The following MCTP1 variants were observed in gnomAD, a reference collection of about 807,000 sequenced individuals.
MCTP1 encodes the protein multiple C2 and transmembrane domain containing 1.
Under a neutral mutation model 120.6 loss-of-function variants are expected in MCTP1, and 69 were observed. The observed-to-expected ratio is 0.57, with a 90% CI of 0.47 to 0.70. MCTP1 has a LOEUF of 0.70. Ranked by LOEUF, MCTP1 falls within the 30% of genes least tolerant of loss-of-function variation. The pLI is 0.00. For synonymous variants in MCTP1, 529 were observed against 493.1 expected (o/e 1.07, Z -0.96); for missense variants, 1,203 against 1,248.8 (o/e 0.96, Z 0.55).
At chr5:95,260,256 T>A (rs937778361) in intron 1 of MCTP1, among the ~76,000 whole-genome samples, 1 of 152,152 alleles carries the variant, frequency 6.6e-6, no homozygotes, top group Admixed American at 6.6e-5. Context: ...CCAGAACAGG[T>A]TGTGTGAGCC....
intron 1 of MCTP1, among the ~76,000 whole-genome samples, chr5:95,053,095 C>A (rs1228637086): frequency 6.6e-6 from 1 of 152,146 alleles, no homozygotes; most frequent in Non-Finnish European, 1.5e-5. Context: ...AAATGATACA[C>A]TGGTAAATGT....
intron 2 of MCTP1, among the ~76,000 whole-genome samples, chr5:94,975,686 C>T (rs1268405937): frequency 6.6e-6 from 1 of 151,768 alleles, no homozygotes. Flanking sequence ...ATATTTGCAC[C>T]ATCTCAAAGT....
At position 95,053,256 on chromosome 5, in the gene MCTP1, C is replaced by T. The variant is rs540230602; in HGVS notation, c.721-35772G>A. On this transcript the variant is annotated intron_variant, in intron 1 of 22. Coordinates refer to ENST00000515393, the MANE Select transcript of MCTP1 (RefSeq NM_024717.7). ...TTTTAAATAAGCATATCTCCACCCC[C>T]ACTTAAATCAGAATGACAAGCTGCT... Among the ~76,000 whole-genome samples the T allele has an allele frequency of 4.6e-5, 7 of 152,272 alleles. No homozygotes were observed. The South Asian group carries it at 1.2e-3, about 27-fold the overall frequency.
At chr5:95,138,586 G>T (rs1446121830) in intron 1 of MCTP1, among the ~76,000 whole-genome samples, 1 of 152,090 alleles carries the variant, frequency 6.6e-6, no homozygotes, top group African/African-American at 2.4e-5. Context: ...TACTGGTCTG[G>T]AAGGGCCTCT....
intron 1 of MCTP1, among the ~76,000 whole-genome samples, chr5:95,079,288 T>C (rs968922294): frequency 6.6e-6 from 1 of 152,100 alleles, no homozygotes; most frequent in African/African-American, 2.4e-5. Context: ...ATGGGAAGTA[T>C]GGGACTGTCA....
chr5:94,843,377 A>G (rs920707413), intron 17 of MCTP1, among the ~76,000 whole-genome samples: 3 of 152,176 alleles, frequency 2.0e-5, no homozygotes, highest in Admixed American at 6.6e-5. Context: ...GTATAAACAC[A>G]TATGTTGTGA....
intron 1 of MCTP1, among the ~76,000 whole-genome samples, chr5:95,151,682 C>T (rs185195140): frequency 6.6e-6 from 1 of 152,310 alleles, no homozygotes; most frequent in East Asian, 1.9e-4. Context: ...AATTTTTCCA[C>T]TTATCTGATT....
At chr5:95,258,105 GCA>G (rs1380928721) in intron 1 of MCTP1, among the ~76,000 whole-genome samples, 3 of 152,146 alleles carry the variant, frequency 2.0e-5, no homozygotes, top group Non-Finnish European at 2.9e-5. Context: ...GATAAGCTGT[GCA>G]CAGTGACTTC....
chr5:94,748,043 T>C (rs1561566741), intron 19 of MCTP1, among the ~76,000 whole-genome samples: 1 of 152,190 alleles, frequency 6.6e-6, no homozygotes, highest in Non-Finnish European at 1.5e-5. Context: ...CGAGCTGAGA[T>C]TGTGCCATTG....
At chr5:94,853,739 A>T (rs962542919) in intron 17 of MCTP1, among the ~76,000 whole-genome samples, 1 of 151,918 alleles carries the variant, frequency 6.6e-6, no homozygotes, top group African/African-American at 2.4e-5. Flanking sequence ...CTGATATCTC[A>T]ATTAAAACCT....
chr5:94,842,068 G>A (rs1011601931), intron 17 of MCTP1, among the ~76,000 whole-genome samples: 4 of 152,180 alleles, frequency 2.6e-5, no homozygotes, highest in African/African-American at 4.8e-5. Context: ...ATAATCTACT[G>A]GAGCTAATTA....
chr5:95,233,590 A>G (rs974977681), intron 1 of MCTP1, among the ~76,000 whole-genome samples: 3 of 152,164 alleles, frequency 2.0e-5, no homozygotes, highest in Admixed American at 1.3e-4. Flanking sequence ...CGGCCTCCCA[A>G]AGTGCTGGGA....
intron 1 of MCTP1, among the ~76,000 whole-genome samples, chr5:95,034,810 C>A (rs2151810827): frequency 6.6e-6 from 1 of 152,058 alleles, no homozygotes; most frequent in East Asian, 1.9e-4. Context: ...AAAATATTTG[C>A]AATTTATGCA....
chr5:94,804,576 C>G (rs1205297646), intron 17 of MCTP1, among the ~76,000 whole-genome samples: 1 of 151,890 alleles, frequency 6.6e-6, no homozygotes, highest in African/African-American at 2.4e-5. Flanking sequence ...GTAGCTGGGA[C>G]TACAGGCGCC....
chr5:95,199,299 TA>T (rs1229686594), intron 1 of MCTP1, among the ~76,000 whole-genome samples: 1 of 152,132 alleles, frequency 6.6e-6, no homozygotes, highest in African/African-American at 2.4e-5. Context: ...AAAAGTTAAT[TA>T]ACAGGGGAGT....
At chr5:95,146,219 T>A (rs551619950) in intron 1 of MCTP1, among the ~76,000 whole-genome samples, 19 of 152,302 alleles carry the variant, frequency 1.2e-4, no homozygotes, top group Admixed American at 1.0e-3. Flanking sequence ...TGTATTTCTG[T>A]AGGATCAGTT....
At chr5:94,813,866 AAAG>A (rs1783941284) in intron 17 of MCTP1, among the ~76,000 whole-genome samples, 1 of 152,210 alleles carries the variant, frequency 6.6e-6, no homozygotes, top group Non-Finnish European at 1.5e-5. Flanking sequence ...AATTAAAATA[AAAG>A]AAGACACTAC....
chr5:94,822,131 T>C (rs981392252), intron 17 of MCTP1, among the ~76,000 whole-genome samples: 4 of 152,190 alleles, frequency 2.6e-5, no homozygotes. Flanking sequence ...TACATAGGTA[T>C]ACATGTTCCA....
At chr5:94,926,571 A>G (rs1813182208) in intron 6 of MCTP1, among the ~76,000 whole-genome samples, 1 of 152,180 alleles carries the variant, frequency 6.6e-6, no homozygotes. Context: ...CAAAATTATA[A>G]ATCGTTTCAC....
Sources: gnomAD v4.1 joint callset for allele counts (sites outside exome capture counted in the v4.1 genomes callset) on GRCh38, gnomAD v4.1.1 for gene constraint, MANE v1.5 for transcripts, NCBI Gene and HGNC (gene_info 2026-07-23, HGNC 2026-07-21) for gene names.